Variants in SCHIP1 observed in about 807,000 individuals in gnomAD.
SCHIP1 encodes schwannomin-interacting protein 1.
In SCHIP1, 8 loss-of-function variants were observed where a neutral mutation model predicts 29.7. That is an observed-to-expected ratio of 0.27 (90% CI 0.16 to 0.49). The LOEUF is 0.49. Ranked by LOEUF, SCHIP1 falls within the 20% of genes least tolerant of loss-of-function variation. The pLI is 0.99. For synonymous variants in SCHIP1, 76 were observed against 94.9 expected, an observed-to-expected ratio of 0.80 and a Z score of 1.16; for missense variants, 193 against 294.6, an observed-to-expected ratio of 0.66 and a Z score of 2.52.
chr3:159,770,908 A>G, the SCHIP1 span, among the ~76,000 whole-genome samples: 2 of 152,206 alleles, frequency 1.3e-5, no homozygotes, highest in Non-Finnish European at 2.9e-5. Context: ...ATTAGAGAAG[A>G]GCTCTAGCTG....
chr3:159,498,973 T>C, the SCHIP1 span, among the ~76,000 whole-genome samples: 14 of 152,276 alleles, frequency 9.2e-5, no homozygotes, highest in Middle Eastern at 3.4e-3. Flanking sequence ...TTGGCTCTCC[T>C]AGTAGAAAGT....
chr3:159,518,442 T>A, the SCHIP1 span, among the ~76,000 whole-genome samples: 14 of 152,156 alleles, frequency 9.2e-5, no homozygotes, highest in African/African-American at 2.9e-4. Flanking sequence ...ATAAAATATA[T>A]TTTTCACTAT....
chr3:159,816,541 C>G, the SCHIP1 span, among the ~76,000 whole-genome samples: 2 of 152,188 alleles, frequency 1.3e-5, no homozygotes, highest in Admixed American at 6.5e-5. Context: ...TCCCAAAGTG[C>G]TGGGATTACA....
chr3:159,747,683 A>C, the SCHIP1 span, among the ~76,000 whole-genome samples: 1 of 152,142 alleles, frequency 6.6e-6, no homozygotes, highest in African/African-American at 2.4e-5. Flanking sequence ...GGCCATGAGA[A>C]GCATAGACAG....
the SCHIP1 span, among the ~76,000 whole-genome samples, chr3:159,755,207 C>T: frequency 6.6e-6 from 1 of 152,102 alleles, no homozygotes; most frequent in African/African-American, 2.4e-5. Context: ...TGGACTCCAG[C>T]CTGGGCAACA....
At chr3:159,480,292 C>T in the SCHIP1 span, among the ~76,000 whole-genome samples, 3 of 152,024 alleles carry the variant, frequency 2.0e-5, no homozygotes, top group African/African-American at 7.2e-5. Flanking sequence ...CATCTCTTGC[C>T]CCACTATTCT....
the SCHIP1 span, among the ~76,000 whole-genome samples, chr3:159,361,236 T>C: frequency 6.6e-6 from 1 of 152,222 alleles, no homozygotes; most frequent in Non-Finnish European, 1.5e-5. Context: ...CAGGATGATA[T>C]GGTTGCTAAA....
chr3:159,375,729 A>AAAAGAAATAAAT, the SCHIP1 span: 1 of 776,954 alleles, frequency 1.3e-6, no homozygotes. Flanking sequence ...ACTCCGTCTC[A>AAAAGAAATAAAT]AAATAAATAA....
the SCHIP1 span, among the ~76,000 whole-genome samples, chr3:159,296,464 G>A: frequency 6.6e-6 from 1 of 152,074 alleles, no homozygotes; most frequent in Non-Finnish European, 1.5e-5. Context: ...TGTATGTGTG[G>A]TAAGGACACT....
At chr3:159,540,848 A>G in the SCHIP1 span, among the ~76,000 whole-genome samples, 2 of 152,096 alleles carry the variant, frequency 1.3e-5, no homozygotes, top group Admixed American at 6.6e-5. Flanking sequence ...CAATGCAACA[A>G]TGCATCATTA....
chr3:159,760,070 AT>A, the SCHIP1 span, among the ~76,000 whole-genome samples: 2 of 46,116 alleles, frequency 4.3e-5, no homozygotes, highest in African/African-American at 1.8e-4. Context: ...TTTTTAAAGG[AT>A]TTGTTTTGCA....
At chr3:159,788,913 T>A in the SCHIP1 span, among the ~76,000 whole-genome samples, 1 of 152,230 alleles carries the variant, frequency 6.6e-6, no homozygotes, top group East Asian at 1.9e-4. Flanking sequence ...GCTCCAAAAT[T>A]CTAAACTTTT....
the SCHIP1 span, among the ~76,000 whole-genome samples, chr3:159,822,182 G>A: frequency 6.6e-6 from 1 of 152,178 alleles, no homozygotes; most frequent in East Asian, 1.9e-4. Context: ...GCACAGAGTA[G>A]CAAACAGCTG....
chr3:159,586,875 A>C, the SCHIP1 span, among the ~76,000 whole-genome samples: 1 of 152,118 alleles, frequency 6.6e-6, no homozygotes, highest in African/African-American at 2.4e-5. Context: ...GGCCCAACTA[A>C]AGGTTCCATG....
At chr3:159,517,009 T>C in the SCHIP1 span, among the ~76,000 whole-genome samples, 20 of 152,340 alleles carry the variant, frequency 1.3e-4, no homozygotes, top group Middle Eastern at 3.4e-3. Flanking sequence ...GAATATGTAA[T>C]ATGCAAACTG....
the SCHIP1 span, among the ~76,000 whole-genome samples, chr3:159,400,789 T>TC: frequency 2.0e-4 from 30 of 152,282 alleles, no homozygotes; most frequent in African/African-American, 7.0e-4. Context: ...ACACTCTAAC[T>TC]CCCCTTTCAT....
At chr3:159,764,588 T>G in the SCHIP1 span, 1 of 1,608,668 alleles carries the variant, frequency 6.2e-7, no homozygotes, top group Non-Finnish European at 8.5e-7. This position sits in a 1 kb window ranked among gnomAD's most constrained non-coding sequence, Gnocchi z 6.1. Flanking sequence ...AGCCTGGACT[T>G]GGTGTCTGCC....
chr3:159,716,735 A>G, the SCHIP1 span, among the ~76,000 whole-genome samples: 3 of 152,222 alleles, frequency 2.0e-5, no homozygotes, highest in African/African-American at 7.2e-5. Context: ...CCAGATTCGT[A>G]AAGCAAGACC....
the SCHIP1 span, among the ~76,000 whole-genome samples, chr3:159,761,286 A>G: frequency 6.6e-6 from 1 of 152,176 alleles, no homozygotes; most frequent in Non-Finnish European, 1.5e-5. Context: ...GGCAGTGTGT[A>G]TTTGAGAGGG....
Sources: allele counts gnomAD v4.1 joint callset (sites outside exome capture counted in the v4.1 genomes callset), GRCh38; gene constraint gnomAD v4.1.1; non-coding constraint Gnocchi (gnomAD v3.1); transcripts MANE v1.5; gene names NCBI Gene and HGNC (gene_info 2026-07-23, HGNC 2026-07-21).